Variants in CIRSR observed in about 807,000 individuals in gnomAD.
CIRSR encodes corepressor of RBPJ and splicing regulator.
chr2:174,361,569 C>CA, the CIRSR span, among the ~76,000 whole-genome samples: 1 of 152,090 alleles, frequency 6.6e-6, no homozygotes, highest in East Asian at 1.9e-4. Flanking sequence ...GCGCTTCTTG[C>CA]AAAAAATGTC....
the CIRSR span, chr2:174,348,346 C>T: frequency 8.2e-7 from 1 of 1,223,636 alleles, no homozygotes; most frequent in Non-Finnish European, 1.1e-6. Flanking sequence ...CTTGAATTGA[C>T]AGTCTAGAGA....
At chr2:174,389,546 C>T in the CIRSR span, among the ~76,000 whole-genome samples, 2 of 152,108 alleles carry the variant, frequency 1.3e-5, no homozygotes, top group Admixed American at 1.3e-4. Flanking sequence ...AATTCTGCAG[C>T]CTGACAATGG....
At chr2:174,363,892 T>C in the CIRSR span, among the ~76,000 whole-genome samples, 2 of 152,040 alleles carry the variant, frequency 1.3e-5, no homozygotes, top group Non-Finnish European at 2.9e-5. Flanking sequence ...GGCCAAACCA[T>C]ATCATCCCAC....
the CIRSR span, among the ~76,000 whole-genome samples, chr2:174,391,963 G>A: frequency 1.3e-5 from 2 of 152,126 alleles, no homozygotes; most frequent in Non-Finnish European, 1.5e-5. Context: ...GAGAGAGGGA[G>A]AAGAGTTAAG....
chr2:174,350,750 G>A, the CIRSR span: 6 of 1,589,028 alleles, frequency 3.8e-6, no homozygotes, highest in East Asian at 1.1e-4. Context: ...ATACTCCTGA[G>A]TCAACAAAGA....
chr2:174,367,050 C>T, the CIRSR span, among the ~76,000 whole-genome samples: 6 of 152,110 alleles, frequency 3.9e-5, no homozygotes, highest in South Asian at 6.2e-4. Context: ...AAAAAGGAAA[C>T]AAAAAATTAG....
the CIRSR span, among the ~76,000 whole-genome samples, chr2:174,357,094 T>A: frequency 7.9e-5 from 12 of 152,220 alleles, no homozygotes; most frequent in African/African-American, 2.9e-4. Flanking sequence ...AAGGTCCACA[T>A]ATTGTATTTG....
At chr2:174,358,890 T>G in the CIRSR span, among the ~76,000 whole-genome samples, 1 of 151,942 alleles carries the variant, frequency 6.6e-6, no homozygotes, top group Non-Finnish European at 1.5e-5. Context: ...TTTCTGTATT[T>G]TTAGTAGAGA....
chr2:174,366,677 C>CTT, the CIRSR span, among the ~76,000 whole-genome samples: 1 of 152,202 alleles, frequency 6.6e-6, no homozygotes, highest in African/African-American at 2.4e-5. Context: ...CTTAACTGAT[C>CTT]TAAAAGACAG....
chr2:174,365,958 G>A, the CIRSR span, among the ~76,000 whole-genome samples: 3 of 152,144 alleles, frequency 2.0e-5, no homozygotes, highest in African/African-American at 7.2e-5. Context: ...ATATGTTAAG[G>A]GCTCTAATGG....
chr2:174,375,330 G>A, the CIRSR span, among the ~76,000 whole-genome samples: 109 of 152,148 alleles, frequency 7.2e-4, no homozygotes, highest in Non-Finnish European at 1.2e-3. Context: ...CATTTTGGCT[G>A]GGCACGGTAT....
the CIRSR span, chr2:174,351,515 T>C: frequency 2.4e-6 from 2 of 850,262 alleles, no homozygotes; most frequent in South Asian, 2.1e-5. Context: ...TCTATCTTAC[T>C]TTCCTATGGA....
chr2:174,384,011 C>A, the CIRSR span, among the ~76,000 whole-genome samples: 1 of 152,132 alleles, frequency 6.6e-6, no homozygotes, highest in African/African-American at 2.4e-5. Context: ...TGTGATCCAG[C>A]AATTCCACTC....
the CIRSR span, among the ~76,000 whole-genome samples, chr2:174,363,881 C>T: frequency 1.8e-4 from 27 of 152,278 alleles, no homozygotes; most frequent in African/African-American, 5.1e-4. Flanking sequence ...GGTGGGGACA[C>T]GGCCAAACCA....
the CIRSR span, chr2:174,350,645 A>G: frequency 2.0e-6 from 3 of 1,514,404 alleles, no homozygotes; most frequent in Non-Finnish European, 2.7e-6. Context: ...TATTAAATAT[A>G]TACTTCTAAA....
the CIRSR span, among the ~76,000 whole-genome samples, chr2:174,393,352 A>C: frequency 1.3e-5 from 2 of 152,366 alleles, no homozygotes; most frequent in South Asian, 4.1e-4. Context: ...CAGAGTGACC[A>C]GCAGATATAC....
chr2:174,377,824 CAAAAAAA>C, the CIRSR span, among the ~76,000 whole-genome samples: 1 of 60,056 alleles, frequency 1.7e-5, no homozygotes, highest in Non-Finnish European at 2.9e-5. Context: ...GACGCCATCT[CAAAAAAA>C]AAAAAAAAAA....
the CIRSR span, among the ~76,000 whole-genome samples, chr2:174,364,934 G>A: frequency 6.6e-5 from 10 of 152,300 alleles, no homozygotes; most frequent in South Asian, 2.1e-3. Flanking sequence ...ATTAACATTC[G>A]GTTCCTTGTT....
At chr2:174,354,841 A>G in the CIRSR span, among the ~76,000 whole-genome samples, 6 of 140,898 alleles carry the variant, frequency 4.3e-5, no homozygotes, top group Non-Finnish European at 1.5e-5. Flanking sequence ...AGCTCAAATA[A>G]TACACCTGCC....
Sources: gnomAD v4.1 joint callset for allele counts (sites outside exome capture counted in the v4.1 genomes callset) on GRCh38, gnomAD v4.1.1 for gene constraint, MANE v1.5 for transcripts, NCBI Gene and HGNC (gene_info 2026-07-23, HGNC 2026-07-21) for gene names.